Variants in APBA2 observed in about 807,000 individuals in gnomAD.
APBA2 encodes the protein amyloid-beta A4 precursor protein-binding family A member 2.
APBA2 carries 30 observed loss-of-function variants against 75.0 expected under a neutral mutation model. That is an observed-to-expected ratio of 0.40 (90% CI 0.30 to 0.54). The LOEUF (loss-of-function observed/expected upper bound fraction) is 0.54. APBA2 is among the 20% of genes least tolerant of loss of function. The pLI is 0.49. For missense variants in APBA2, 801 were observed against 1,016.1 expected (o/e 0.79, Z 2.88); for synonymous variants, 444 against 409.6 (o/e 1.08, Z -1.01).
chr15:28,941,375 C>T (rs759172093), intron 2 of APBA2, among the ~76,000 whole-genome samples: 24 of 152,132 alleles, frequency 1.6e-4, no homozygotes, highest in Non-Finnish European at 2.9e-4. Flanking sequence ...CAGATCCAAC[C>T]ACTGATTTGC....
chr15:28,900,413 A>G (rs1186582544), intron 1 of APBA2, among the ~76,000 whole-genome samples: 4 of 152,158 alleles, frequency 2.6e-5, no homozygotes, highest in Non-Finnish European at 4.4e-5. Flanking sequence ...ACCAGCATCT[A>G]CTGCCCTGGC....
At chr15:29,094,409 TA>T in intron 8 of APBA2, 96 bp downstream of exon 8, 2 of 1,201,084 alleles carry the variant, frequency 1.7e-6, no homozygotes, top group Non-Finnish European at 1.2e-6. Context: ...CCTGGGGATC[TA>T]AATAATGTTG....
chr15:29,113,541 C>T (rs74430526), intron 13 of APBA2, among the ~76,000 whole-genome samples: 3,823 of 152,136 alleles, frequency 0.025, 181 homozygotes, highest in African/African-American at 0.088. Flanking sequence ...CAGGCTGTGC[C>T]GTAGGAGGCC....
chr15:29,055,668 A>AGAGT (rs2041850135), intron 4 of APBA2, among the ~76,000 whole-genome samples: 1 of 127,456 alleles, frequency 7.8e-6, no homozygotes, highest in African/African-American at 2.8e-5. Context: ...CATGAATTTG[A>AGAGT]GTGTGTGTGT....
At chr15:28,999,844 G>C (rs1043356229) in intron 3 of APBA2, among the ~76,000 whole-genome samples, 1 of 152,188 alleles carries the variant, frequency 6.6e-6, no homozygotes, top group African/African-American at 2.4e-5. Flanking sequence ...TCTGCCATCT[G>C]CAAGCTGGAG....
At chr15:29,019,941 G>A (rs1482199560) in intron 3 of APBA2, among the ~76,000 whole-genome samples, 1 of 152,232 alleles carries the variant, frequency 6.6e-6, no homozygotes, top group Admixed American at 6.5e-5. Context: ...TCCCTGCAGT[G>A]TCATCAGTTC....
chr15:29,117,252 C>T lies in APBA2; in HGVS notation c.*119C>T, dbSNP rs916472486. On this transcript the variant is annotated 3_prime_UTR_variant, in exon 15 of 15. Coordinates refer to ENST00000683413, the MANE Select transcript of APBA2 (RefSeq NM_001353788.2). ...CACAGCCCAGCCACGGACGCTGGCTCCCCAAAGGGTGTGCCCTCACCACCC... is the reference window on the plus strand; with the variant it reads ...CACAGCCCAGCCACGGACGCTGGCTTCCCAAAGGGTGTGCCCTCACCACCC... The T allele has an allele frequency of 1.1e-5, 10 of 933,776 alleles. No homozygotes were observed. The Admixed American group carries it at 1.8e-4, about 17-fold the overall frequency. 57.8% of individuals were successfully genotyped at this position (933,776 alleles called of 1,614,324 possible). A position where few individuals can be genotyped will look rare whatever the true frequency, so the allele number is the denominator to read the frequency against.
At chr15:28,922,912 T>G (rs1374889284) in intron 2 of APBA2, among the ~76,000 whole-genome samples, 1 of 152,190 alleles carries the variant, frequency 6.6e-6, no homozygotes, top group African/African-American at 2.4e-5. Context: ...TAATGGTCAC[T>G]AGAGGTGAGA....
intron 6 of APBA2, among the ~76,000 whole-genome samples, chr15:29,079,857 G>A (rs182721218): frequency 1.9e-4 from 29 of 152,324 alleles, no homozygotes; most frequent in African/African-American, 5.5e-4. Flanking sequence ...ACATGATACC[G>A]TCTGAACCCT....
At chr15:28,886,521 G>A (rs1355070905) in intron 1 of APBA2, among the ~76,000 whole-genome samples, 1 of 147,586 alleles carries the variant, frequency 6.8e-6, no homozygotes, top group African/African-American at 2.5e-5. Context: ...GTGGGCGGGC[G>A]GGGCGGGGAC....
chr15:28,963,614 C>T (rs774891393), intron 2 of APBA2, among the ~76,000 whole-genome samples: 3 of 152,198 alleles, frequency 2.0e-5, no homozygotes, highest in Non-Finnish European at 4.4e-5. Context: ...ACCAAGGTCT[C>T]TTTGACAACA....
At chr15:29,030,640 G>C (rs1461226466) in intron 3 of APBA2, among the ~76,000 whole-genome samples, 1 of 151,714 alleles carries the variant, frequency 6.6e-6, no homozygotes, top group Non-Finnish European at 1.5e-5. Flanking sequence ...GTAGTCAGTG[G>C]GTGTAGCCAG....
intron 2 of APBA2, among the ~76,000 whole-genome samples, chr15:28,976,556 A>G (rs1458071722): frequency 6.6e-6 from 1 of 152,138 alleles, no homozygotes; most frequent in African/African-American, 2.4e-5. Flanking sequence ...ATGCATGTTG[A>G]ACTTTATGAA....
At chr15:29,032,202 C>G (rs1257779023) in intron 3 of APBA2, among the ~76,000 whole-genome samples, 2 of 152,256 alleles carry the variant, frequency 1.3e-5, no homozygotes, top group Admixed American at 6.5e-5. Context: ...TGTGTGTTAA[C>G]TTTGCCCAGC....
At chr15:29,086,628 A>C (rs1463258587) in intron 6 of APBA2, among the ~76,000 whole-genome samples, 1 of 152,208 alleles carries the variant, frequency 6.6e-6, no homozygotes, top group Non-Finnish European at 1.5e-5. Flanking sequence ...AAACACTGCC[A>C]AGGACACATG....
chr15:29,095,245 T>C (rs1006599811), intron 8 of APBA2, among the ~76,000 whole-genome samples: 8 of 152,070 alleles, frequency 5.3e-5, no homozygotes, highest in Admixed American at 3.9e-4. Context: ...CTGACCAACA[T>C]GGAGAAACCC....
chr15:29,032,658 C>T (rs1220673883), intron 3 of APBA2, among the ~76,000 whole-genome samples: 2 of 152,192 alleles, frequency 1.3e-5, no homozygotes, highest in Non-Finnish European at 2.9e-5. Flanking sequence ...TCATGTGTCT[C>T]CTGGACCCTC....
At chr15:29,032,172 G>A (rs2040521958) in intron 3 of APBA2, among the ~76,000 whole-genome samples, 1 of 152,256 alleles carries the variant, frequency 6.6e-6, no homozygotes, top group South Asian at 2.1e-4. Context: ...TCATTCCTGT[G>A]TAGTCATGAT....
At chr15:29,031,801 G>A (rs2040500602) in intron 3 of APBA2, among the ~76,000 whole-genome samples, 1 of 152,154 alleles carries the variant, frequency 6.6e-6, no homozygotes, top group East Asian at 1.9e-4. Context: ...GCTACAGAGC[G>A]CTGATGCATT....
Sources: gnomAD v4.1 joint callset for allele counts (sites outside exome capture counted in the v4.1 genomes callset) on GRCh38, gnomAD v4.1.1 for gene constraint, MANE v1.5 for transcripts, NCBI Gene and HGNC (gene_info 2026-07-23, HGNC 2026-07-21) for gene names.